The following NTRK2 variants were observed in gnomAD, a reference collection of about 807,000 sequenced individuals.
NTRK2 encodes the protein BDNF/NT-3 growth factors receptor.
In NTRK2, 13 loss-of-function variants were observed where a neutral mutation model predicts 94.5. That is an observed-to-expected ratio of 0.14 (90% confidence interval 0.09 to 0.22). The LOEUF (loss-of-function observed/expected upper bound fraction) is 0.22. Ranked by LOEUF, NTRK2 falls within the 10% of genes least tolerant of loss-of-function variation. NTRK2 has a pLI of 1.00. For synonymous variants in NTRK2, 372 were observed against 407.4 expected (o/e 0.91, Z 1.05); for missense variants, 639 against 1,071.2 (o/e 0.60, Z 5.63).
intron 12 of NTRK2, chr9:84,812,528 G>A (rs998771753): frequency 9.6e-7 from 1 of 1,046,810 alleles, no homozygotes; most frequent in Non-Finnish European, 1.2e-6. Flanking sequence ...CTTAGATTCC[G>A]ATCTTTCCCA....
At chr9:84,848,354 A>G (rs2074575536) in intron 12 of NTRK2, among the ~76,000 whole-genome samples, 1 of 152,220 alleles carries the variant, frequency 6.6e-6, no homozygotes, top group South Asian at 2.1e-4. Context: ...GATTTTATCC[A>G]CTAGGAGTCC....
intron 6 of NTRK2, among the ~76,000 whole-genome samples, chr9:84,712,656 C>A (rs1457211246): frequency 6.6e-6 from 1 of 152,054 alleles, no homozygotes; most frequent in African/African-American, 2.4e-5. Flanking sequence ...AATTTTTATT[C>A]TCTTTCAAGT....
intron 12 of NTRK2, among the ~76,000 whole-genome samples, chr9:84,856,834 G>A (rs1285434168): frequency 6.6e-6 from 1 of 152,090 alleles, no homozygotes. Context: ...TTTCTTCAGC[G>A]TTAAAAGAGA....
At chr9:84,960,522 G>A (rs1463548608) in intron 17 of NTRK2, among the ~76,000 whole-genome samples, 4 of 152,210 alleles carry the variant, frequency 2.6e-5, no homozygotes. Flanking sequence ...GAGATAGGTA[G>A]GTGGATGGAT....
At chr9:84,712,356 T>C (rs1588112333) in intron 6 of NTRK2, among the ~76,000 whole-genome samples, 1 of 152,046 alleles carries the variant, frequency 6.6e-6, no homozygotes, top group Non-Finnish European at 1.5e-5. Context: ...CTGGTCCTCA[T>C]TTTTCCTAAA....
At chr9:84,949,275 C>T (rs1352430958) in intron 16 of NTRK2, among the ~76,000 whole-genome samples, 1 of 152,074 alleles carries the variant, frequency 6.6e-6, no homozygotes, top group Admixed American at 6.6e-5. Flanking sequence ...TATGCGGAGA[C>T]CCTGAGGTCA....
intron 14 of NTRK2, among the ~76,000 whole-genome samples, chr9:84,914,195 A>G (rs2077326568): frequency 6.6e-6 from 1 of 151,954 alleles, no homozygotes; most frequent in Non-Finnish European, 1.5e-5. Context: ...TAGGGACTTT[A>G]TATTTCTTTC....
intron 14 of NTRK2, among the ~76,000 whole-genome samples, chr9:84,891,435 C>T (rs988048363): frequency 6.6e-6 from 1 of 152,032 alleles, no homozygotes; most frequent in African/African-American, 2.4e-5. Flanking sequence ...GCACACTCTT[C>T]CAGAATACAT....
At chr9:84,896,528 C>G (rs540209788) in intron 14 of NTRK2, among the ~76,000 whole-genome samples, 1 of 152,310 alleles carries the variant, frequency 6.6e-6, no homozygotes, top group East Asian at 1.9e-4. Flanking sequence ...TGGTGTGTCT[C>G]TAAAGTGATT....
chr9:84,911,430 T>C (rs959478000), intron 14 of NTRK2, among the ~76,000 whole-genome samples: 2 of 152,170 alleles, frequency 1.3e-5, no homozygotes, highest in East Asian at 1.9e-4. Flanking sequence ...TGAGGAGTTA[T>C]TAACCACAAA....
chr9:84,755,221 T>G (rs1172972261), intron 12 of NTRK2, among the ~76,000 whole-genome samples: 1 of 152,218 alleles, frequency 6.6e-6, no homozygotes, highest in African/African-American at 2.4e-5. Context: ...GTTTTGTTCC[T>G]TGTTCTGTGG....
intron 14 of NTRK2, chr9:84,876,786 C>A (rs907580917): frequency 1.7e-5 from 18 of 1,061,338 alleles, no homozygotes; most frequent in African/African-American, 3.3e-5. Context: ...GCTGCTTGAG[C>A]CTTATTTAGA....
intron 16 of NTRK2, among the ~76,000 whole-genome samples, chr9:84,950,202 T>C (rs2078731801): frequency 6.6e-6 from 1 of 152,212 alleles, no homozygotes; most frequent in African/African-American, 2.4e-5. Flanking sequence ...AGGAATGATG[T>C]CAGCTGGTAA....
intron 2 of NTRK2, among the ~76,000 whole-genome samples, chr9:84,700,477 A>AT (rs370373495): frequency 1.1e-4 from 17 of 151,986 alleles, no homozygotes; most frequent in African/African-American, 3.9e-4. Context: ...ACAACCAAGA[A>AT]TTTTTTCAGA....
intron 15 of NTRK2, among the ~76,000 whole-genome samples, chr9:84,935,900 A>T (rs2078198910): frequency 6.6e-6 from 1 of 151,972 alleles, no homozygotes; most frequent in African/African-American, 2.4e-5. Context: ...AGGTAGCTCT[A>T]TTTTTGTAAA....
At position 84,981,621 on chromosome 9, in the gene NTRK2, G is replaced by A. The variant is rs144126743; in HGVS notation, c.2172+26104G>A. Among the ~76,000 whole-genome samples, 21 of 151,916 alleles carry A rather than the reference G, an allele frequency of 1.4e-4. No individual in the cohort carries two copies. In the East Asian group the frequency reaches 4.1e-3, roughly 29 times the overall value. ...CTGAAAGCTGATGTGTTTTTTCATT[G>A]TCTTCTTAAATCAGTTGAAAAGGTA... On this transcript the variant is annotated intron_variant, in intron 17 of 18. Coordinates refer to ENST00000277120, the MANE Select transcript of NTRK2 (RefSeq NM_006180.6).
chr9:84,847,004 C>T (rs2131844335), intron 12 of NTRK2, among the ~76,000 whole-genome samples: 1 of 152,284 alleles, frequency 6.6e-6, no homozygotes, highest in South Asian at 2.1e-4. Context: ...AGCTGCAGCT[C>T]CTTGGGATTC....
At chr9:84,723,528 T>G in intron 6 of NTRK2, 45 bp from the exon 7 acceptor site, 3 of 1,610,456 alleles carry the variant, frequency 1.9e-6, no homozygotes, top group South Asian at 2.2e-5. Context: ...TGATACTGCA[T>G]TTAACTATTT....
At chr9:84,767,407 T>G (rs1458236157) in intron 12 of NTRK2, among the ~76,000 whole-genome samples, 1 of 152,218 alleles carries the variant, frequency 6.6e-6, no homozygotes, top group Non-Finnish European at 1.5e-5. Flanking sequence ...AGACTCAAGA[T>G]TTTTGAGGCC....
Sources: allele counts gnomAD v4.1 joint callset (sites outside exome capture counted in the v4.1 genomes callset), GRCh38; gene constraint gnomAD v4.1.1; transcripts MANE v1.5; gene names NCBI Gene and HGNC (gene_info 2026-07-23, HGNC 2026-07-21).